Variants in AFAP1 observed in about 807,000 individuals in gnomAD.
AFAP1 encodes actin filament-associated protein 1.
In AFAP1, 75 loss-of-function variants were observed where a neutral mutation model predicts 93.9. That is an observed-to-expected ratio of 0.80 (90% confidence interval 0.66 to 0.97). The LOEUF is 0.97. Ranked by LOEUF, AFAP1 falls within the 50% of genes least tolerant of loss-of-function variation. AFAP1 has a pLI of 0.00. For synonymous variants in AFAP1, 517 were observed against 430.7 expected (o/e 1.20, Z -2.48); for missense variants, 1,201 against 1,050.8 (o/e 1.14, Z -1.98).
intron 6 of AFAP1, among the ~76,000 whole-genome samples, chr4:7,837,092 A>C (rs145566795): frequency 1.8e-3 from 281 of 152,352 alleles, no homozygotes; most frequent in Admixed American, 5.9e-3. Context: ...ATAAACGTCA[A>C]GTAAACGTTT....
chr4:7,906,212 G>A (rs1015620875), intron 1 of AFAP1, among the ~76,000 whole-genome samples: 1 of 152,138 alleles, frequency 6.6e-6, no homozygotes. Context: ...CCAGCTCTGC[G>A]ACTCATTCAC....
intron 1 of AFAP1, among the ~76,000 whole-genome samples, chr4:7,899,718 C>T (rs1002981245): frequency 2.6e-5 from 4 of 152,048 alleles, no homozygotes. Flanking sequence ...CTACAGGAGC[C>T]GAGGTTAGAC....
At chr4:7,804,425 C>T (rs1366890023) in intron 9 of AFAP1, among the ~76,000 whole-genome samples, 1 of 151,934 alleles carries the variant, frequency 6.6e-6, no homozygotes, top group Non-Finnish European at 1.5e-5. Flanking sequence ...ATTTCTGCTC[C>T]AAATTCAAAA....
chr4:7,759,956 G>A lies in AFAP1; in HGVS notation c.*3809C>T, dbSNP rs1193636903. The stretch of plus-strand genomic sequence containing the variant: ...GTGCATGAACACAGCACCTCACCTG[G>A]GTGGCAAAGTCTGTGGGCAAAATTT... On this transcript the variant is annotated 3_prime_UTR_variant, in exon 18 of 18. Transcript: ENST00000420658. 1 of 152,252 alleles carries A rather than the reference G, an allele frequency of 6.6e-6. No individual in the cohort carries two copies. The highest frequency in any genetic ancestry group is 1.9e-4 in the East Asian group (1 of 5,196). The allele number at this position is 152,252 out of a possible 1,614,324, so 9.4% of individuals were successfully genotyped here. A position where few individuals can be genotyped will look rare whatever the true frequency, so the allele number is the denominator to read the frequency against.
intron 12 of AFAP1, among the ~76,000 whole-genome samples, chr4:7,782,013 C>T (rs1330166715): frequency 6.6e-6 from 1 of 152,162 alleles, no homozygotes; most frequent in Non-Finnish European, 1.5e-5. Context: ...CAGAAGTTCT[C>T]CTAGCGCAGG....
chr4:7,798,219 C>T lies in AFAP1; in HGVS notation c.1266+2223G>A, dbSNP rs60966449. Among the ~76,000 whole-genome samples the T allele has an allele frequency of 0.059, 5,597 of 95,094 alleles. 1,100 individuals carry two copies. The East Asian group carries it at 0.61, about 10-fold the overall frequency. 62.4% of individuals were successfully genotyped at this position (95,094 alleles called of 152,430 possible). On this transcript the variant is annotated intron_variant, in intron 10 of 17. Coordinates refer to ENST00000420658, the MANE Select transcript of AFAP1 (RefSeq NM_001134647.2). ...TATTGGCTGGCTCACGGCACTGCAA[C>T]TCTATTGGCTGGCTCACGGCACTGC...
At position 7,926,963 on chromosome 4, in the gene AFAP1, C is replaced by T. The variant is rs576386186; in HGVS notation, c.-3+12693G>A. On this transcript the variant is annotated intron_variant, in intron 1 of 17. Transcript: ENST00000420658. ...GTTGGCCAGGCTGGTCTCAAACTCCCGACCTCAGGTGATCCACCTGCCTCG... is the reference window on the plus strand; with the variant it reads ...GTTGGCCAGGCTGGTCTCAAACTCCTGACCTCAGGTGATCCACCTGCCTCG... Among the ~76,000 whole-genome samples, 70 of 152,222 alleles carry T rather than the reference C, an allele frequency of 4.6e-4. 1 individual carries two copies. Among genetic ancestry groups the T allele is most frequent in the African/African-American group, 1.6e-3 (66 of 41,554 alleles).
intron 11 of AFAP1, 101 bp from the exon 12 acceptor site, chr4:7,786,412 A>C: frequency 1.1e-6 from 1 of 946,642 alleles, no homozygotes; most frequent in African/African-American, 1.6e-5. Context: ...AGGCTATGTC[A>C]GAGGTCACAG....
At chr4:7,805,632 G>A (rs1437549880) in intron 9 of AFAP1, among the ~76,000 whole-genome samples, 2 of 152,324 alleles carry the variant, frequency 1.3e-5, no homozygotes, top group South Asian at 4.1e-4. Context: ...TTCCTAGATG[G>A]AGGAGCCTGA....
chr4:7,915,533 T>C (rs1577356445), intron 1 of AFAP1, among the ~76,000 whole-genome samples: 1 of 152,340 alleles, frequency 6.6e-6, no homozygotes, highest in East Asian at 1.9e-4. Context: ...GTTCAGCTTT[T>C]TGACCTCCAA....
At chr4:7,937,983 G>C (rs957491860) in intron 1 of AFAP1, among the ~76,000 whole-genome samples, 1 of 152,150 alleles carries the variant, frequency 6.6e-6, no homozygotes, top group Non-Finnish European at 1.5e-5. Context: ...ACCTCTATCA[G>C]AGCATTTTTC....
chr4:7,843,629 C>A, intron 4 of AFAP1: 1 of 346,558 alleles, frequency 2.9e-6, no homozygotes. Flanking sequence ...CACGCTGACC[C>A]GACACTGACT....
chr4:7,762,677 CGGCCA>C lies in AFAP1; in HGVS notation c.*1083_*1087del, dbSNP rs1334432988. On this transcript the variant is annotated 3_prime_UTR_variant, in exon 18 of 18. Coordinates refer to ENST00000420658, the MANE Select transcript of AFAP1 (RefSeq NM_001134647.2). ...CCCACCCTACTCAGGAGAGGCAGCA[CGGCCA>C]GGCCCACCAACACATTAGTGGTTTA... is the stretch of plus-strand genomic sequence containing the variant. 2.6e-5 allele frequency: 4 copies of C among 152,262 alleles called. No homozygotes were observed. Among genetic ancestry groups the C allele is most frequent in the Non-Finnish European group, 5.9e-5 (4 of 68,090 alleles). The allele number at this position is 152,262 out of a possible 1,614,324, so 9.4% of individuals were successfully genotyped here.
At chr4:7,833,385 A>G (rs1332834284) in intron 6 of AFAP1, among the ~76,000 whole-genome samples, 8 of 152,214 alleles carry the variant, frequency 5.3e-5, no homozygotes, top group African/African-American at 1.7e-4. Flanking sequence ...AATGGCCAAC[A>G]AACATACAAA....
Position 7,763,706 on chromosome 4 carries a change from G to A in AFAP1, c.*59C>T. 1 of 1,547,974 alleles carries A rather than the reference G, an allele frequency of 6.5e-7. No individual in the cohort carries two copies. The highest frequency in any genetic ancestry group is 8.7e-7 in the Non-Finnish European group (1 of 1,143,740). ...GGGCAGAGCTTCCTGCCGTCACACAGATGAGGATACAGGCAAGGGGGTGTG... is the reference window on the plus strand; with the variant it reads ...GGGCAGAGCTTCCTGCCGTCACACAAATGAGGATACAGGCAAGGGGGTGTG... On this transcript the variant is annotated 3_prime_UTR_variant, in exon 18 of 18. Coordinates refer to ENST00000420658, the MANE Select transcript of AFAP1 (RefSeq NM_001134647.2).
chr4:7,939,791 C>T lies in AFAP1; in HGVS notation c.-138G>A, dbSNP rs980730566. On this transcript the variant is annotated 5_prime_UTR_variant, in exon 1 of 18. Coordinates refer to ENST00000420658, the MANE Select transcript of AFAP1 (RefSeq NM_001134647.2). This position sits in a 1 kb window ranked among gnomAD's most constrained non-coding sequence, Gnocchi z 5.6. ...CGGGGCCGCCGCCGCCGCCTCAGCC[C>T]GTGTACCCCGCTCGAGATCCGGCTC... 5 of 353,178 alleles carry T rather than the reference C, an allele frequency of 1.4e-5. No homozygotes were observed. The highest frequency in any genetic ancestry group is 3.0e-4 in the East Asian group (2 of 6,596). 21.9% of individuals were successfully genotyped at this position (353,178 alleles called of 1,614,324 possible). A position where few individuals can be genotyped will look rare whatever the true frequency, so the allele number is the denominator to read the frequency against.
chr4:7,826,019 A>C (rs115449911), intron 6 of AFAP1, among the ~76,000 whole-genome samples: 1 of 151,670 alleles, frequency 6.6e-6, no homozygotes, highest in African/African-American at 2.4e-5. Flanking sequence ...CAAAAAACCT[A>C]CATGAACTAA....
At chr4:7,835,460 T>C (rs1289194920) in intron 6 of AFAP1, among the ~76,000 whole-genome samples, 7 of 86,650 alleles carry the variant, frequency 8.1e-5, no homozygotes, top group Admixed American at 3.2e-4. Flanking sequence ...GACTGTGGGC[T>C]GCCTTAAGGT....
intron 7 of AFAP1, among the ~76,000 whole-genome samples, chr4:7,817,296 T>C (rs553242648): frequency 1.1e-4 from 16 of 152,268 alleles, no homozygotes; most frequent in Admixed American, 9.2e-4. Context: ...TATTTTATTT[T>C]AGATGGCCAA....
Sources: gnomAD v4.1 joint callset for allele counts (sites outside exome capture counted in the v4.1 genomes callset) on GRCh38, gnomAD v4.1.1 for gene constraint, Gnocchi (gnomAD v3.1) non-coding constraint, MANE v1.5 for transcripts, NCBI Gene and HGNC (gene_info 2026-07-23, HGNC 2026-07-21) for gene names.